The following PRELID2 variants were observed in gnomAD, a reference collection of about 807,000 sequenced individuals.
PRELID2 encodes the protein PRELI domain containing 2, also known as PRELI domain-containing protein 2.
Under a neutral mutation model 28.4 loss-of-function variants are expected in PRELID2, and 25 were observed. The observed-to-expected ratio is 0.88, with a 90% CI of 0.64 to 1.23. PRELID2 has a LOEUF of 1.23. Among genes scored for constraint, PRELID2 ranks in the 50% most tolerant of loss-of-function variants. The probability of loss-of-function intolerance (pLI) is 0.00; values close to 1 mark genes in which losing one functional copy is unlikely to be tolerated. For synonymous variants in PRELID2, 76 were observed against 71.6 expected (o/e 1.06, Z -0.31); for missense variants, 201 against 214.4 (o/e 0.94, Z 0.39).
the PRELID2 span, among the ~76,000 whole-genome samples, chr5:145,280,693 A>T: frequency 6.6e-6 from 1 of 151,710 alleles, no homozygotes; most frequent in Admixed American, 6.6e-5. Flanking sequence ...AAATGTTTGT[A>T]TTTTAATCTA....
chr5:145,733,329 C>A (rs1217385362), intron 1 of PRELID2, among the ~76,000 whole-genome samples: 5 of 152,050 alleles, frequency 3.3e-5, no homozygotes, highest in African/African-American at 1.2e-4. Context: ...CAACATAAAT[C>A]CATTCTCTAG....
chr5:145,233,358 T>C, the PRELID2 span, among the ~76,000 whole-genome samples: 1 of 152,120 alleles, frequency 6.6e-6, no homozygotes, highest in Non-Finnish European at 1.5e-5. Flanking sequence ...TCTGCTTGTC[T>C]CTCATTCCAC....
chr5:145,346,105 C>A, the PRELID2 span, among the ~76,000 whole-genome samples: 1 of 152,076 alleles, frequency 6.6e-6, no homozygotes, highest in South Asian at 2.1e-4. Flanking sequence ...TGACCTAGGG[C>A]AAATTACTCA....
At chr5:145,300,182 T>C in the PRELID2 span, among the ~76,000 whole-genome samples, 1 of 152,166 alleles carries the variant, frequency 6.6e-6, no homozygotes, top group Admixed American at 6.6e-5. Flanking sequence ...TTTGCTCTTG[T>C]CCTTTTAAAT....
chr5:145,408,127 TGGCA>T, the PRELID2 span, among the ~76,000 whole-genome samples: 11 of 151,798 alleles, frequency 7.2e-5, no homozygotes, highest in African/African-American at 2.7e-4. Flanking sequence ...AATTACCCCA[TGGCA>T]GAAAAAAAAA....
At chr5:145,265,385 C>T in the PRELID2 span, among the ~76,000 whole-genome samples, 1 of 151,994 alleles carries the variant, frequency 6.6e-6, no homozygotes, top group African/African-American at 2.4e-5. Flanking sequence ...TGAAAATGAC[C>T]ATACTGCCAA....
the PRELID2 span, among the ~76,000 whole-genome samples, chr5:145,414,070 T>C: frequency 1.3e-5 from 2 of 152,198 alleles, no homozygotes; most frequent in South Asian, 2.1e-4. Flanking sequence ...TTATTTCTAA[T>C]TTGTCTTTGC....
chr5:145,229,110 CA>C, the PRELID2 span: 1 of 1,420,606 alleles, frequency 7.0e-7, no homozygotes, highest in East Asian at 2.3e-5. Flanking sequence ...CTGCATCGCC[CA>C]CAAAAAAGTG....
chr5:145,680,081 C>T (rs1215241176), intron 1 of PRELID2, among the ~76,000 whole-genome samples: 1 of 151,940 alleles, frequency 6.6e-6, no homozygotes, highest in Non-Finnish European at 1.5e-5. Flanking sequence ...AATTTTAGTG[C>T]CACAGTGAGT....
the PRELID2 span, among the ~76,000 whole-genome samples, chr5:145,390,465 G>T: frequency 6.6e-6 from 1 of 152,164 alleles, no homozygotes; most frequent in African/African-American, 2.4e-5. Context: ...GTGAAGCGGG[G>T]AAGCCCCTTA....
chr5:145,798,422 A>G (rs1434394322), intron 4 of PRELID2, among the ~76,000 whole-genome samples: 1 of 152,142 alleles, frequency 6.6e-6, no homozygotes, highest in Non-Finnish European at 1.5e-5. Flanking sequence ...AAAAAGACTC[A>G]CATCTGTGCA....
rs975940878 is a variant in PRELID2, at chr5:145,717,941, T to C, written n.70+46990A>G. Among the ~76,000 whole-genome samples the C allele has an allele frequency of 9.9e-5, 15 of 151,940 alleles. No individual in the cohort carries two copies. In the East Asian group the frequency reaches 1.2e-3, roughly 12 times the overall value. On this transcript the variant is annotated intron_variant and non_coding_transcript_variant, in intron 1 of 2. Coordinates refer to the PRELID2 transcript ENST00000510259. ...AAGAATAACTTTTCTGGATTCATAA[T>C]GGGTTTTGACATTATACTACATTAA... is the stretch of plus-strand genomic sequence containing the variant.
At chr5:145,552,040 G>C (rs1752840426) in intron 1 of PRELID2, among the ~76,000 whole-genome samples, 1 of 152,096 alleles carries the variant, frequency 6.6e-6, no homozygotes, top group Admixed American at 6.5e-5. Flanking sequence ...CCATGACAAA[G>C]AGCAGAGAAT....
intron 1 of PRELID2, among the ~76,000 whole-genome samples, chr5:145,510,906 C>T (rs1338197242): frequency 6.6e-6 from 1 of 152,172 alleles, no homozygotes; most frequent in Non-Finnish European, 1.5e-5. Context: ...TTTAGGTGCC[C>T]AGTTTTGGAA....
the PRELID2 span, among the ~76,000 whole-genome samples, chr5:145,343,483 CAT>C: frequency 2.7e-5 from 4 of 148,354 alleles, no homozygotes; most frequent in Non-Finnish European, 6.0e-5. Context: ...GAAAAAAAAA[CAT>C]AACATGTCAA....
At chr5:145,370,166 T>A in the PRELID2 span, among the ~76,000 whole-genome samples, 18 of 152,150 alleles carry the variant, frequency 1.2e-4, no homozygotes, top group African/African-American at 4.1e-4. Context: ...TGCAATTGCT[T>A]TTCATGTTTT....
At chr5:145,328,635 T>C in the PRELID2 span, among the ~76,000 whole-genome samples, 2 of 152,158 alleles carry the variant, frequency 1.3e-5, no homozygotes, top group African/African-American at 2.4e-5. Flanking sequence ...GAGTTGTTTT[T>C]TTCTTGTAAA....
the PRELID2 span, among the ~76,000 whole-genome samples, chr5:145,398,749 G>C: frequency 6.6e-6 from 1 of 152,054 alleles, no homozygotes; most frequent in African/African-American, 2.4e-5. Flanking sequence ...AGTAAACGAG[G>C]ACATTTCAGA....
At chr5:145,739,728 G>C (rs1756598161) in intron 1 of PRELID2, among the ~76,000 whole-genome samples, 1 of 152,014 alleles carries the variant, frequency 6.6e-6, no homozygotes, top group Middle Eastern at 3.4e-3. Context: ...AGGGAGGTAA[G>C]GTTTCTACAT....
Sources: allele counts gnomAD v4.1 joint callset (sites outside exome capture counted in the v4.1 genomes callset), GRCh38; gene constraint gnomAD v4.1.1; transcripts MANE v1.5; gene names NCBI Gene and HGNC (gene_info 2026-07-23, HGNC 2026-07-21).